XPC: variants seen among roughly 807,000 people sequenced by gnomAD.
The protein encoded by XPC is DNA repair protein complementing XP-C cells.
XPC carries 76 observed loss-of-function variants against 95.8 expected under a neutral mutation model. That is an observed-to-expected ratio of 0.79 (90% CI 0.66 to 0.96). XPC has a LOEUF of 0.96. Among genes scored for constraint, XPC ranks in the 40% least tolerant of loss-of-function variants. The pLI, the probability that XPC is intolerant of heterozygous loss-of-function variation, is 0.00. For synonymous variants in XPC, 442 were observed against 442.1 expected (o/e 1.00, Z 0.00); for missense variants, 1,146 against 1,179.8 (o/e 0.97, Z 0.42).
At chr3:14,157,933 A>G in intron 9 of XPC, 78 bp downstream of exon 9, 2 of 1,502,308 alleles carry the variant, frequency 1.3e-6, no homozygotes, top group African/African-American at 1.4e-5. Context: ...AGTGCTGGGC[A>G]TATATAAGGT....
intron 9 of XPC, among the ~76,000 whole-genome samples, chr3:14,156,822 TAAG>T (rs1322323930): frequency 1.3e-5 from 2 of 152,246 alleles, no homozygotes; most frequent in Admixed American, 6.5e-5. Flanking sequence ...TGCTCTTCAG[TAAG>T]AAGGTCTTAT....
chr3:14,151,127 A>G (rs2125013818), intron 11 of XPC, among the ~76,000 whole-genome samples: 1 of 152,260 alleles, frequency 6.6e-6, no homozygotes, highest in East Asian at 1.9e-4. Flanking sequence ...GGATTCCAGA[A>G]CTGTGCTACC....
At position 14,158,509 on chromosome 3, in the gene XPC, C is replaced by T. The variant is rs1449675049; in HGVS notation, c.1374G>A (p.Glu458=). 2.5e-6 allele frequency: 4 copies of T among 1,612,168 alleles called. No individual in the cohort carries two copies. The South Asian group carries it at 3.3e-5, about 13-fold the overall frequency. Residue 458 remains glutamate, a synonymous_variant, in exon 9 of 16, where the codon GAG becomes GAA. Coordinates refer to ENST00000285021, the MANE Select transcript of XPC (RefSeq NM_004628.5). The surrounding 1 kb of genome is among the most constrained non-coding windows in gnomAD (Gnocchi z 5.2). ...SSGEASDPSD[E]DSEPGPPKQR... Reference sequence around the variant, plus strand: ...GCTTTGGAGGGCCAGGTTCGGAATCCTCATCAGAGGGATCAGAGGCTTCTC... The same window carrying T: ...GCTTTGGAGGGCCAGGTTCGGAATCTTCATCAGAGGGATCAGAGGCTTCTC...
At chr3:14,148,312 C>T in intron 13 of XPC, 1 of 608,402 alleles carries the variant, frequency 1.6e-6, no homozygotes, top group South Asian at 2.2e-5. Flanking sequence ...TGCTCACTAG[C>T]CTGTGAGTCC....
intron 11 of XPC, among the ~76,000 whole-genome samples, chr3:14,152,016 G>A (rs533761582): frequency 6.6e-6 from 1 of 152,192 alleles, no homozygotes; most frequent in East Asian, 1.9e-4. Context: ...ATAAAGCAGG[G>A]CTCTGACCTC....
chr3:14,152,124 A>G (rs3731155), intron 11 of XPC: 45 of 518,540 alleles, frequency 8.7e-5, no homozygotes, highest in African/African-American at 7.0e-4. Flanking sequence ...TGTGTTTTGG[A>G]AGATCCATTT....
intron 1 of XPC, among the ~76,000 whole-genome samples, chr3:14,175,789 C>A (rs1982546): frequency 0.045 from 6,885 of 152,264 alleles, 358 homozygotes; most frequent in East Asian, 0.22. Flanking sequence ...TTAGCAACTA[C>A]ACTGACAGTC....
chr3:14,156,604 A>G (rs1695920923), intron 9 of XPC, 109 bp from the exon 10 acceptor site: 1 of 1,474,682 alleles, frequency 6.8e-7, no homozygotes, highest in Admixed American at 1.8e-5. Context: ...GGTGGAGCCA[A>G]GGTTTCATGA....
At position 14,165,472 on chromosome 3, in the gene XPC, C is replaced by A. The variant is rs2125036708; in HGVS notation, c.735G>T (p.Leu245=). The change falls in exon 6 of 16, where the codon CTG becomes CTT. Residue 245 remains leucine, a synonymous_variant. Coordinates refer to ENST00000285021, the MANE Select transcript of XPC (RefSeq NM_004628.5). ...GGTAGTAGGTGTCCACATCTCGAGG[C>A]AGCACTCTGGTAAAGCGGGCTGGGA... is the stretch of plus-strand genomic sequence containing the variant. ...SIIPARFTRV[L]PRDVDTYYLS... The A allele has an allele frequency of 6.2e-7, 1 of 1,604,314 alleles. No individual in the cohort carries two copies. Among genetic ancestry groups the A allele is most frequent in the Non-Finnish European group, 8.5e-7 (1 of 1,175,272 alleles).
Position 14,163,766 on chromosome 3 carries a change from TAAAC to T in XPC, c.900+1043_900+1046del, listed in dbSNP as rs138842558. Among the ~76,000 whole-genome samples the T allele has an allele frequency of 1.6e-3, 238 of 150,034 alleles. 9 individuals carry two copies. In the East Asian group the frequency reaches 0.041, roughly 26 times the overall value. On this transcript the variant is annotated intron_variant, in intron 7 of 15. Transcript: ENST00000285021. The stretch of plus-strand genomic sequence containing the variant: ...TGTGATCCTATTTTGCTTAAACAAA[TAAAC>T]AAAACAAATACATACGTACACACAT...
chr3:14,148,699 G>A lies in XPC; in HGVS notation c.2283C>T (p.Leu761=), dbSNP rs771324674. 6.2e-7 allele frequency: 1 copy of A among 1,614,068 alleles called. No individual in the cohort carries two copies. Among genetic ancestry groups the A allele is most frequent in the Non-Finnish European group, 8.5e-7 (1 of 1,179,908 alleles). Residue 761 remains leucine, a synonymous_variant, in exon 13 of 16, where the codon CTC becomes CTT. Coordinates refer to ENST00000285021, the MANE Select transcript of XPC (RefSeq NM_004628.5). ...CAATAGGCATCATGCTGGGCAGGAA[G>A]AGGTACACATTCCCAAACTCGTTCC... ...VPRNEFGNVY[L]FLPSMMPIGC...
rs548181699 is a variant in XPC, at chr3:14,158,559, C to T, written c.1324G>A (p.Gly442Ser). The T allele has an allele frequency of 5.6e-6, 9 of 1,613,388 alleles. No homozygotes were observed. The highest frequency in any genetic ancestry group is 1.7e-5 in the Admixed American group (1 of 60,008). Residue 442 changes from glycine to serine, a missense_variant, in exon 9 of 16, where the codon GGC becomes AGC. Transcript: ENST00000285021. The surrounding 1 kb of genome is among the most constrained non-coding windows in gnomAD (Gnocchi z 5.2). The stretch of plus-strand genomic sequence containing the variant: ...CCACTGGAGAGCTCAAAATCAGAGC[C>T]GCTGCCAGCCTCATCACTCCCACTC... The part of the protein sequence containing the change: ...EESGSDEAGS[G>S]SDFELSSGEA...
intron 7 of XPC, among the ~76,000 whole-genome samples, chr3:14,162,081 AAAAAATTTAACCAAGGT>A (rs1696188860): frequency 6.6e-6 from 1 of 152,220 alleles, no homozygotes; most frequent in Non-Finnish European, 1.5e-5. Context: ...AGTACCTAGG[AAAAAATTTAACCAAGGT>A]AAAAGGCTGT....
In XPC at chr3:14,178,592, C is replaced by A. The variant is rs1384532143; in HGVS notation, c.-24G>T. The A allele has an allele frequency of 6.2e-7, 1 of 1,612,284 alleles. No homozygotes were observed. The highest frequency in any genetic ancestry group is 8.5e-7 in the Non-Finnish European group (1 of 1,179,056). On this transcript the variant is annotated 5_prime_UTR_variant, in exon 1 of 16. Transcript: ENST00000285021. ...ATGTTGCTTGTCTGGGCAAATTCCA[C>A]TTCGCGAGTGACGCACCCGGCCGCG...
intron 1 of XPC, among the ~76,000 whole-genome samples, chr3:14,177,345 G>C (rs1039716647): frequency 1.3e-5 from 2 of 152,154 alleles, no homozygotes; most frequent in Non-Finnish European, 2.9e-5. Context: ...TAAGGTACTT[G>C]AGCATCACAG....
intron 7 of XPC, among the ~76,000 whole-genome samples, chr3:14,163,074 CCATCATAATG>C (rs1363727826): frequency 6.6e-6 from 1 of 152,138 alleles, no homozygotes; most frequent in Non-Finnish European, 1.5e-5. Context: ...CACTTGACAC[CCATCATAATG>C]ACTATAATCA....
At chr3:14,170,863 G>A (rs1455769996) in intron 2 of XPC, among the ~76,000 whole-genome samples, 2 of 152,184 alleles carry the variant, frequency 1.3e-5, no homozygotes, top group Non-Finnish European at 2.9e-5. Flanking sequence ...AAATAATAAT[G>A]AGTTCCAGAA....
Position 14,164,803 on chromosome 3 carries a change from G to A in XPC, c.900+10C>T, listed in dbSNP as rs765216458. 22 of 1,612,058 alleles carry A rather than the reference G, an allele frequency of 1.4e-5. No homozygotes were observed. Among genetic ancestry groups the A allele is most frequent in the Non-Finnish European group, 1.8e-5 (21 of 1,179,216 alleles). ...CTGATAAAAAACAGTGATCCGGGAGGATCACTTACATGGACCAATTCCTCA... is the reference window on the plus strand; with the variant it reads ...CTGATAAAAAACAGTGATCCGGGAGAATCACTTACATGGACCAATTCCTCA... On this transcript the variant is annotated intron_variant, in intron 7 of 15. Transcript: ENST00000285021.
At chr3:14,152,632 A>T (rs929368120) in intron 10 of XPC, 1 of 501,416 alleles carries the variant, frequency 2.0e-6, no homozygotes, top group African/African-American at 2.0e-5. Context: ...TACAAACCCT[A>T]ATCTGCAGCC....
Sources: gnomAD v4.1 joint callset for allele counts (sites outside exome capture counted in the v4.1 genomes callset) on GRCh38, gnomAD v4.1.1 for gene constraint, Gnocchi (gnomAD v3.1) non-coding constraint, MANE v1.5 for transcripts, NCBI Gene and HGNC (gene_info 2026-07-23, HGNC 2026-07-21) for gene names.